The following STEAP1B variants were observed in gnomAD, a reference collection of about 807,000 sequenced individuals.
The protein encoded by STEAP1B is STEAP family member 1B, also known as STEAP family protein MGC87042.
Under a neutral mutation model 27.9 loss-of-function variants are expected in STEAP1B, and 13 were observed. That is an observed-to-expected ratio of 0.47 (90% CI 0.30 to 0.74). The LOEUF (loss-of-function observed/expected upper bound fraction) is 0.74, where lower values mean the gene tolerates loss of function less well. STEAP1B is among the 30% of genes least tolerant of loss of function. The pLI, the probability that STEAP1B is intolerant of heterozygous loss-of-function variation, is 0.06. For missense variants in STEAP1B, 250 were observed against 298.7 expected (o/e 0.84, Z 1.20); for synonymous variants, 86 against 107.1 (o/e 0.80, Z 1.22).
rs908211156 is a variant in STEAP1B at position 22,494,672 on chromosome 7, G to T, written c.84+100C>A. On this transcript the variant is annotated intron_variant, in intron 2 of 4. Transcript: ENST00000678116. ...CAAGTCCAGATATCAGCAGACTAGG[G>T]TGAAAAATCACTTTCATAACACTAG... 10 of 845,120 alleles carry T rather than the reference G, an allele frequency of 1.2e-5. No individual in the cohort carries two copies. In the Admixed American group the frequency reaches 2.6e-4, roughly 22 times the overall value. The allele number at this position is 845,120 out of a possible 1,614,324, so 52.4% of individuals were successfully genotyped here.
chr7:22,456,063 C>T (rs1015667103), intron 4 of STEAP1B, among the ~76,000 whole-genome samples: 2 of 151,920 alleles, frequency 1.3e-5, no homozygotes, highest in Admixed American at 6.6e-5. Context: ...AGGAGAATGG[C>T]GTGAACCCAG....
At chr7:22,463,102 CAA>C (rs778583548) in intron 4 of STEAP1B, among the ~76,000 whole-genome samples, 1 of 152,132 alleles carries the variant, frequency 6.6e-6, no homozygotes, top group Non-Finnish European at 1.5e-5. Flanking sequence ...GCAACTTCAG[CAA>C]AGTCTCAGGA....
intron 4 of STEAP1B, among the ~76,000 whole-genome samples, chr7:22,444,508 C>A (rs1785380040): frequency 6.6e-6 from 1 of 152,210 alleles, no homozygotes; most frequent in African/African-American, 2.4e-5. Context: ...CATGGGGATT[C>A]CAGGGACCAT....
intron 4 of STEAP1B, among the ~76,000 whole-genome samples, chr7:22,491,975 C>A (rs1786330266): frequency 6.6e-6 from 1 of 152,016 alleles, no homozygotes; most frequent in African/African-American, 2.4e-5. Flanking sequence ...TGTTCAGCAT[C>A]CCCTCTTTTC....
chr7:22,448,478 T>G (rs1485206677), intron 4 of STEAP1B, among the ~76,000 whole-genome samples: 1 of 152,236 alleles, frequency 6.6e-6, no homozygotes. Context: ...AAAAATATGT[T>G]ATCATTCTAT....
chr7:22,447,808 A>G (rs970546102), intron 4 of STEAP1B, among the ~76,000 whole-genome samples: 1 of 152,196 alleles, frequency 6.6e-6, no homozygotes, highest in African/African-American at 2.4e-5. Flanking sequence ...GCCACCTAGT[A>G]CTTCGGCAAA....
chr7:22,480,524 C>G (rs757092501), intron 4 of STEAP1B, among the ~76,000 whole-genome samples: 6 of 152,228 alleles, frequency 3.9e-5, no homozygotes, highest in Non-Finnish European at 7.3e-5. Flanking sequence ...CAGGGAGACT[C>G]AGTCTGCAAA....
chr7:22,479,236 G>A (rs750791929), intron 4 of STEAP1B, among the ~76,000 whole-genome samples: 8 of 152,176 alleles, frequency 5.3e-5, no homozygotes, highest in Non-Finnish European at 8.8e-5. Context: ...TGGGGAATGG[G>A]GGAGAGGTAG....
At chr7:22,492,044 G>A (rs972924642) in intron 4 of STEAP1B, among the ~76,000 whole-genome samples, 10 of 151,976 alleles carry the variant, frequency 6.6e-5, no homozygotes, top group East Asian at 3.9e-4. Flanking sequence ...TAGGTAGGCC[G>A]GGCGCGGTGG....
intron 4 of STEAP1B, among the ~76,000 whole-genome samples, chr7:22,435,979 C>T (rs112803675): frequency 2.0e-5 from 3 of 152,208 alleles, no homozygotes; most frequent in Admixed American, 6.5e-5. Flanking sequence ...GTGGACCCGC[C>T]TGGCATGCCC....
intron 4 of STEAP1B, among the ~76,000 whole-genome samples, chr7:22,448,467 T>G (rs1279946298): frequency 6.6e-6 from 1 of 152,168 alleles, no homozygotes; most frequent in Non-Finnish European, 1.5e-5. Flanking sequence ...ACCTCACGCT[T>G]AAAAATATGT....
intron 4 of STEAP1B, among the ~76,000 whole-genome samples, chr7:22,472,682 C>T (rs1456141715): frequency 6.6e-6 from 1 of 152,164 alleles, no homozygotes; most frequent in East Asian, 1.9e-4. Context: ...TGAAAGGAGT[C>T]TCCTCTTTTC....
intron 1 of STEAP1B, among the ~76,000 whole-genome samples, chr7:22,497,770 G>T (rs937900968): frequency 5.9e-5 from 9 of 152,210 alleles, no homozygotes; most frequent in Non-Finnish European, 1.3e-4. Flanking sequence ...TTGGCTCATG[G>T]TTCCATAGGC....
intron 4 of STEAP1B, among the ~76,000 whole-genome samples, chr7:22,439,237 A>T (rs1785296283): frequency 6.6e-6 from 1 of 152,216 alleles, no homozygotes; most frequent in African/African-American, 2.4e-5. Context: ...GTGAAGCATG[A>T]CTTTTCATCT....
At chr7:22,495,536 C>T (rs1023895788) in intron 1 of STEAP1B, 4 of 152,180 alleles carry the variant, frequency 2.6e-5, no homozygotes, top group African/African-American at 7.2e-5. Flanking sequence ...TTTTCCTTAG[C>T]AAACTCACAG....
intron 4 of STEAP1B, among the ~76,000 whole-genome samples, chr7:22,456,815 C>G (rs1367097534): frequency 2.7e-5 from 4 of 150,778 alleles, no homozygotes; most frequent in Non-Finnish European, 4.4e-5. Flanking sequence ...GGATGGCTAG[C>G]TAGGAGAGAG....
chr7:22,425,339 A>T (rs774997229), intron 4 of STEAP1B, among the ~76,000 whole-genome samples: 1 of 152,232 alleles, frequency 6.6e-6, no homozygotes, highest in Non-Finnish European at 1.5e-5. Context: ...GCATCCACCA[A>T]CTGGGGCCGT....
At chr7:22,499,244 A>G (rs536968631) in intron 1 of STEAP1B, among the ~76,000 whole-genome samples, 5 of 152,312 alleles carry the variant, frequency 3.3e-5, no homozygotes, top group South Asian at 2.1e-4. Flanking sequence ...CAACTGACTC[A>G]TGTTTATGTC....
At position 22,492,642 on chromosome 7, in the gene STEAP1B, T is replaced by C. The variant is rs776370949; in HGVS notation, c.685A>G (p.Ile229Val). Residue 229 changes from isoleucine (I) to valine (V), a missense_variant, in exon 4 of 5, where the codon ATA becomes GTA. Transcript: ENST00000678116. ...YVSLGIVGLA[I>V]LALLAVTSIP... ...GATGTCACAGCCAACAGAGCCAGTA[T>C]TGCCAGTCCCACAATTCCCAGAGAC... The C allele has an allele frequency of 4.3e-5, 70 of 1,613,512 alleles. No individual in the cohort carries two copies. The Admixed American group carries it at 1.1e-3, about 25-fold the overall frequency.
Sources: gnomAD v4.1 joint callset for allele counts (sites outside exome capture counted in the v4.1 genomes callset) on GRCh38, gnomAD v4.1.1 for gene constraint, MANE v1.5 for transcripts, NCBI Gene and HGNC (gene_info 2026-07-23, HGNC 2026-07-21) for gene names.